Variants in INPP5A observed in about 807,000 individuals in gnomAD.
The protein encoded by INPP5A is inositol polyphosphate-5-phosphatase A.
In INPP5A, 14 loss-of-function variants were observed where a neutral mutation model predicts 65.2. The observed-to-expected ratio is 0.21, with a 90% CI of 0.14 to 0.34. The LOEUF (loss-of-function observed/expected upper bound fraction) is 0.34, where lower values mean the gene tolerates loss of function less well. INPP5A is among the 10% of genes least tolerant of loss of function. INPP5A has a pLI of 1.00. For missense variants in INPP5A, 431 were observed against 545.6 expected, an observed-to-expected ratio of 0.79 and a Z score of 2.09; for synonymous variants, 207 against 208.3, an observed-to-expected ratio of 0.99 and a Z score of 0.05.
chr10:132,576,348 G>C (rs2071412057), intron 1 of INPP5A, among the ~76,000 whole-genome samples: 1 of 152,212 alleles, frequency 6.6e-6, no homozygotes, highest in African/African-American at 2.4e-5. Context: ...TCAGAATGCG[G>C]GCTTGGACAG....
chr10:132,729,038 C>T (rs563869558), intron 9 of INPP5A, among the ~76,000 whole-genome samples: 3,161 of 143,428 alleles, frequency 0.022, 51 homozygotes, highest in South Asian at 0.05. Context: ...GCCTGGACTC[C>T]AGGGCCTGTG....
At chr10:132,758,131 G>C (rs111608170) in intron 11 of INPP5A, among the ~76,000 whole-genome samples, 18 of 92,976 alleles carry the variant, frequency 1.9e-4, no homozygotes, top group Admixed American at 3.2e-4. Flanking sequence ...GACCCCACAG[G>C]CCAGTGCGAT....
intron 1 of INPP5A, among the ~76,000 whole-genome samples, chr10:132,595,085 C>G (rs2071668059): frequency 6.6e-6 from 1 of 152,208 alleles, no homozygotes; most frequent in Non-Finnish European, 1.5e-5. Flanking sequence ...TTTTTTCTGT[C>G]TTTTTCCCTT....
intron 2 of INPP5A, among the ~76,000 whole-genome samples, chr10:132,611,766 G>GAAGGGT (rs2071955721): frequency 6.8e-6 from 1 of 147,804 alleles, no homozygotes; most frequent in African/African-American, 2.5e-5. Flanking sequence ...CCCTGTCAGA[G>GAAGGGT]GAGGGTGAGG....
At chr10:132,719,382 G>T (rs1312380023) in intron 8 of INPP5A, among the ~76,000 whole-genome samples, 4 of 150,548 alleles carry the variant, frequency 2.7e-5, no homozygotes, top group Non-Finnish European at 5.9e-5. Flanking sequence ...TGTCTTGCGG[G>T]TTCTGTGGTA....
intron 2 of INPP5A, among the ~76,000 whole-genome samples, chr10:132,629,648 T>C (rs1025747448): frequency 5.3e-5 from 8 of 152,228 alleles, no homozygotes; most frequent in African/African-American, 1.9e-4. Context: ...TCCCTCTGCA[T>C]TGTGCGGACA....
intron 8 of INPP5A, among the ~76,000 whole-genome samples, chr10:132,724,252 G>A (rs529534237): frequency 6.6e-6 from 1 of 152,350 alleles, no homozygotes; most frequent in South Asian, 2.1e-4. Flanking sequence ...CAGACTTGGT[G>A]GGAAGATGGG....
chr10:132,774,755 G>A (rs915045955), intron 12 of INPP5A, among the ~76,000 whole-genome samples: 3 of 151,656 alleles, frequency 2.0e-5, no homozygotes, highest in African/African-American at 7.3e-5. Context: ...CAAACAATCT[G>A]CCGTGCAGCC....
At chr10:132,649,365 G>T (rs1316827774) in intron 3 of INPP5A, among the ~76,000 whole-genome samples, 3 of 152,314 alleles carry the variant, frequency 2.0e-5, no homozygotes, top group African/African-American at 7.2e-5. Flanking sequence ...TCTGTTGACG[G>T]CTTCTTCGTA....
intron 11 of INPP5A, among the ~76,000 whole-genome samples, chr10:132,758,870 C>T (rs931748499): frequency 6.6e-6 from 1 of 152,248 alleles, no homozygotes; most frequent in Non-Finnish European, 1.5e-5. Context: ...TGTCCGGCGG[C>T]CCTGTCTCCT....
chr10:132,723,201 C>T lies in INPP5A; in HGVS notation c.648-3620C>T, dbSNP rs535395682. 3.9e-5 allele frequency among the ~76,000 whole-genome samples: 6 copies of T among 152,324 alleles called. No homozygotes were observed. The East Asian group carries it at 9.6e-4, about 24-fold the overall frequency. The stretch of plus-strand genomic sequence containing the variant: ...CAGGCCCACCTGGTGCGTCGCCTGG[C>T]GGCTTTCTCGGGAAGAAGGAGCAGC... On this transcript the variant is annotated intron_variant, in intron 8 of 15. Coordinates refer to ENST00000368594, the MANE Select transcript of INPP5A (RefSeq NM_005539.5).
chr10:132,752,402 C>T (rs1459146352), intron 11 of INPP5A, among the ~76,000 whole-genome samples: 1 of 97,506 alleles, frequency 1.0e-5, no homozygotes, highest in African/African-American at 4.1e-5. Context: ...GCCGGGGCTG[C>T]GTGGAGTGGG....
chr10:132,539,469 T>G (rs1047006958), intron 1 of INPP5A, among the ~76,000 whole-genome samples: 5 of 152,112 alleles, frequency 3.3e-5, no homozygotes, highest in Admixed American at 1.3e-4. Flanking sequence ...CAAGCCTCAT[T>G]CCCACCCAGG....
intron 3 of INPP5A, among the ~76,000 whole-genome samples, chr10:132,647,449 G>A (rs535680610): frequency 7.2e-5 from 11 of 152,178 alleles, no homozygotes; most frequent in South Asian, 6.2e-4. Flanking sequence ...AAATCTTAGC[G>A]GCATTTTTCC....
At chr10:132,732,880 G>A (rs756637341) in intron 9 of INPP5A, among the ~76,000 whole-genome samples, 27 of 152,122 alleles carry the variant, frequency 1.8e-4, no homozygotes, top group Non-Finnish European at 3.2e-4. Context: ...GATCCCTCCC[G>A]CGCAGAGTCT....
intron 11 of INPP5A, among the ~76,000 whole-genome samples, chr10:132,759,809 C>T (rs1381567872): frequency 6.6e-6 from 1 of 152,146 alleles, no homozygotes. Flanking sequence ...GTAGCCCTGG[C>T]GTCCTCAGAG....
chr10:132,727,214 T>G lies in INPP5A; in HGVS notation c.732+309T>G. The G allele has an allele frequency of 3.6e-6, 1 of 276,812 alleles. No individual in the cohort carries two copies. Among genetic ancestry groups the G allele is most frequent in the Non-Finnish European group, 6.8e-6 (1 of 146,152 alleles). 17.1% of individuals were successfully genotyped at this position (276,812 alleles called of 1,614,324 possible). The stretch of plus-strand genomic sequence containing the variant: ...GGAGTGCCGTCACAGCGCCACCCCC[T>G]CGATGCCCACAGAGCTGCAGCCTCT... On this transcript the variant is annotated intron_variant, in intron 9 of 15. Transcript: ENST00000368594. This position sits in a 1 kb window ranked among gnomAD's most constrained non-coding sequence, Gnocchi z 6.5.
rs554651843 is a variant in INPP5A, at chr10:132,766,604, T to A, written c.977+758T>A. 2.0e-5 allele frequency among the ~76,000 whole-genome samples: 3 copies of A among 152,306 alleles called. No homozygotes were observed. In the East Asian group the frequency reaches 5.8e-4, roughly 29 times the overall value. ...GCGTACATGGTTGCATATGTGAGCA[T>A]GAGTGAGAGCATGAGTGAGAACATG... is the stretch of plus-strand genomic sequence containing the variant. On this transcript the variant is annotated intron_variant, in intron 12 of 15. Coordinates refer to ENST00000368594, the MANE Select transcript of INPP5A (RefSeq NM_005539.5).
intron 4 of INPP5A, among the ~76,000 whole-genome samples, chr10:132,653,156 C>G (rs939276538): frequency 6.6e-6 from 1 of 152,144 alleles, no homozygotes; most frequent in African/African-American, 2.4e-5. Context: ...TACCTGAGAG[C>G]GAGGCACACA....
Sources: gnomAD v4.1 joint callset for allele counts (sites outside exome capture counted in the v4.1 genomes callset) on GRCh38, gnomAD v4.1.1 for gene constraint, Gnocchi (gnomAD v3.1) non-coding constraint, MANE v1.5 for transcripts, NCBI Gene and HGNC (gene_info 2026-07-23, HGNC 2026-07-21) for gene names.